The following ADCY3 variants were observed in gnomAD, a reference collection of about 807,000 sequenced individuals.
ADCY3 encodes adenylate cyclase type 3.
A neutral mutation model predicts 119.4 loss-of-function variants in ADCY3; 70 were observed. The observed-to-expected ratio is 0.59, with a 90% CI of 0.48 to 0.72. ADCY3 has a LOEUF of 0.72. Ranked by LOEUF, ADCY3 falls within the 30% of genes least tolerant of loss-of-function variation. ADCY3 has a pLI of 0.00. For missense variants in ADCY3, 1,238 were observed against 1,541.6 expected (o/e 0.80, Z 3.30); for synonymous variants, 672 against 621.4 (o/e 1.08, Z -1.21).
At chr2:24,829,232 G>T (rs1415126283) in intron 13 of ADCY3, among the ~76,000 whole-genome samples, 2 of 151,562 alleles carry the variant, frequency 1.3e-5, no homozygotes, top group Admixed American at 1.3e-4. Context: ...GGCCAGGCTG[G>T]TCTCAAACTC....
intron 3 of ADCY3, among the ~76,000 whole-genome samples, chr2:24,869,081 G>T (rs539953993): frequency 6.6e-6 from 1 of 152,042 alleles, no homozygotes; most frequent in African/African-American, 2.4e-5. Context: ...AAAGATTAAC[G>T]GTGGTCTGCT....
chr2:24,840,934 G>A (rs1362513237), intron 6 of ADCY3, among the ~76,000 whole-genome samples: 1 of 152,236 alleles, frequency 6.6e-6, no homozygotes, highest in Admixed American at 6.5e-5. Context: ...GCCCCTGTGG[G>A]GGTCCCAGCA....
chr2:24,821,949 T>C, intron 19 of ADCY3: 1 of 319,194 alleles, frequency 3.1e-6, no homozygotes, highest in South Asian at 4.5e-5. Flanking sequence ...CAGGTTGTCC[T>C]TGTTTGGATC....
In ADCY3 at chr2:24,834,780, C is replaced by T. The variant is rs779421125; in HGVS notation, c.1805+14G>A. The T allele has an allele frequency of 1.2e-5, 19 of 1,610,860 alleles. No individual in the cohort carries two copies. The highest frequency in any genetic ancestry group is 5.3e-5 in the African/African-American group (4 of 74,840). Reference sequence around the variant, plus strand: ...GAGGAGTGGTGGGCCTGGACGCTTCCGGGTGGCGCTTACACTTGGGCGGAC... The same window carrying T: ...GAGGAGTGGTGGGCCTGGACGCTTCTGGGTGGCGCTTACACTTGGGCGGAC... On this transcript the variant is annotated intron_variant, in intron 10 of 21. Coordinates refer to ENST00000679454, the MANE Select transcript of ADCY3 (RefSeq NM_004036.5). The surrounding 1 kb of genome is among the most constrained non-coding windows in gnomAD (Gnocchi z 4.2).
chr2:24,862,478 G>A (rs1460870528), intron 3 of ADCY3, among the ~76,000 whole-genome samples: 20 of 151,790 alleles, frequency 1.3e-4, no homozygotes, highest in Admixed American at 3.9e-4. Flanking sequence ...CCCGGAAGGC[G>A]GAGCTTGCAG....
At chr2:24,855,197 C>A (rs547294523) in intron 3 of ADCY3, among the ~76,000 whole-genome samples, 6 of 150,916 alleles carry the variant, frequency 4.0e-5, no homozygotes, top group South Asian at 2.1e-4. Context: ...AGGTCCCCCC[C>A]ACCCCCTTCT....
At chr2:24,838,668 C>G (rs914379105) in intron 7 of ADCY3, 46 bp from the exon 8 acceptor site, 7 of 1,608,984 alleles carry the variant, frequency 4.4e-6, no homozygotes. Flanking sequence ...AGAGGTGGCC[C>G]TCACACCCCC....
At chr2:24,825,069 G>A (rs1012741755) in intron 16 of ADCY3, among the ~76,000 whole-genome samples, 2 of 152,142 alleles carry the variant, frequency 1.3e-5, no homozygotes, top group Admixed American at 6.5e-5. Context: ...GAGGCCTTCC[G>A]TGTGTAGGGG....
intron 2 of ADCY3, among the ~76,000 whole-genome samples, chr2:24,879,063 G>A (rs1022904061): frequency 6.6e-5 from 10 of 152,160 alleles, no homozygotes; most frequent in African/African-American, 2.4e-5. Context: ...GTCAGGCCTC[G>A]CAGTCACATA....
chr2:24,830,674 G>T (rs1281120422), intron 13 of ADCY3, 35 bp downstream of exon 13: 1 of 1,547,706 alleles, frequency 6.5e-7, no homozygotes, highest in Non-Finnish European at 8.9e-7. Context: ...ACTGAGAACA[G>T]GGGCGTCCCT....
At chr2:24,833,581 GT>G (rs1242836338) in intron 11 of ADCY3, among the ~76,000 whole-genome samples, 2 of 152,202 alleles carry the variant, frequency 1.3e-5, no homozygotes, top group Non-Finnish European at 2.9e-5. Flanking sequence ...TATTTTAATT[GT>G]TTAATTGCTT....
At chr2:24,830,659 TCTC>T in intron 13 of ADCY3, 47 bp downstream of exon 13, 1 of 1,452,028 alleles carries the variant, frequency 6.9e-7, no homozygotes, top group Admixed American at 1.8e-5. Context: ...CAGAAGCCCT[TCTC>T]CACTGAGAAC....
intron 3 of ADCY3, among the ~76,000 whole-genome samples, chr2:24,854,430 C>G (rs1207655748): frequency 6.6e-6 from 1 of 152,176 alleles, no homozygotes; most frequent in Non-Finnish European, 1.5e-5. Context: ...ACCCCGGGGG[C>G]TTGGTTCCTT....
chr2:24,864,443 G>A lies in ADCY3; in HGVS notation c.825+8127C>T, dbSNP rs533504630. On this transcript the variant is annotated intron_variant, in intron 3 of 21. Transcript: ENST00000679454. Reference sequence around the variant, plus strand: ...AGATATCTGTACACCCGTGTTCACAGCAGCACCATTCCCAATAGCAAAGCC... The same window carrying A: ...AGATATCTGTACACCCGTGTTCACAACAGCACCATTCCCAATAGCAAAGCC... 1.8e-4 allele frequency among the ~76,000 whole-genome samples: 27 copies of A among 152,266 alleles called. 1 individual carries two copies. In the East Asian group the frequency reaches 5.0e-3, roughly 28 times the overall value.
chr2:24,826,193 C>T, intron 15 of ADCY3, 67 bp from the exon 16 acceptor site: 1 of 1,417,196 alleles, frequency 7.1e-7, no homozygotes. Flanking sequence ...CTGATTCCCT[C>T]CAACTAGATG....
At chr2:24,851,661 G>A (rs146913658) in intron 3 of ADCY3, among the ~76,000 whole-genome samples, 125 of 152,216 alleles carry the variant, frequency 8.2e-4, no homozygotes, top group Non-Finnish European at 1.1e-3. Context: ...CAGGGGCATC[G>A]GTTAAAACCT....
intron 9 of ADCY3, among the ~76,000 whole-genome samples, chr2:24,835,485 G>A (rs1435555616): frequency 6.6e-6 from 1 of 152,164 alleles, no homozygotes; most frequent in Admixed American, 6.5e-5. Context: ...TGGAGCTGGG[G>A]CACCCACTAC....
In ADCY3 at chr2:24,898,296, AC is replaced by A. The variant is rs913830934; in HGVS notation, c.675+20016del. ...CAGAGGCCCCCGGGGAGGCTCGAGGACCGCCTTTCCATCACCGTGGGGTGAG... is the reference window on the plus strand; with the variant it reads ...CAGAGGCCCCCGGGGAGGCTCGAGGACGCCTTTCCATCACCGTGGGGTGAG... On this transcript the variant is annotated intron_variant, in intron 2 of 21. Transcript: ENST00000679454. The surrounding 1 kb of genome is among the most constrained non-coding windows in gnomAD (Gnocchi z 4.3). Among the ~76,000 whole-genome samples the A allele has an allele frequency of 1.3e-5, 2 of 151,528 alleles. No homozygotes were observed. Among genetic ancestry groups the A allele is most frequent in the Admixed American group, 6.6e-5 (1 of 15,220 alleles).
intron 2 of ADCY3, among the ~76,000 whole-genome samples, chr2:24,902,223 A>G (rs1283472631): frequency 6.6e-6 from 1 of 151,552 alleles, no homozygotes; most frequent in Admixed American, 6.6e-5. Context: ...TGGGACCACA[A>G]GTGTGTGCCA....
Sources: allele counts gnomAD v4.1 joint callset (sites outside exome capture counted in the v4.1 genomes callset), GRCh38; gene constraint gnomAD v4.1.1; non-coding constraint Gnocchi (gnomAD v3.1); transcripts MANE v1.5; gene names NCBI Gene and HGNC (gene_info 2026-07-23, HGNC 2026-07-21).